The following RNF125 variants were observed in gnomAD, a reference collection of about 807,000 sequenced individuals.
The protein encoded by RNF125 is ring finger protein 125.
RNF125 carries 21 observed loss-of-function variants against 26.0 expected under a neutral mutation model. The ratio of observed to expected loss-of-function variants is 0.81; its 90% CI spans 0.57 to 1.16. RNF125 has a LOEUF of 1.16. RNF125 is among the 50% of genes most tolerant of loss of function. RNF125 has a pLI of 0.00. For synonymous variants in RNF125, 95 were observed against 109.2 expected, an observed-to-expected ratio of 0.87 and a Z score of 0.81; for missense variants, 270 against 299.4, an observed-to-expected ratio of 0.90 and a Z score of 0.72.
chr18:32,022,252 A>C (rs1168150407), intron 1 of RNF125, among the ~76,000 whole-genome samples: 1 of 152,234 alleles, frequency 6.6e-6, no homozygotes, highest in African/African-American at 2.4e-5. Flanking sequence ...TAATAATAAC[A>C]ACAGTACCTT....
At position 32,066,080 on chromosome 18, in the gene RNF125, T is replaced by A. The variant is rs140017473; in HGVS notation, c.612+71T>A. ...GTTAAGCTTACCTTTCCGATCCAAGTGAATAAAATTATAGAGGAAAAAATG... is the reference window on the plus strand; with the variant it reads ...GTTAAGCTTACCTTTCCGATCCAAGAGAATAAAATTATAGAGGAAAAAATG... On this transcript the variant is annotated intron_variant, in intron 5 of 5. Coordinates refer to ENST00000217740, the MANE Select transcript of RNF125 (RefSeq NM_017831.4). 2.0e-5 allele frequency: 19 copies of A among 971,180 alleles called. No individual in the cohort carries two copies. The East Asian group carries it at 4.6e-4, about 24-fold the overall frequency. 60.2% of individuals were successfully genotyped at this position (971,180 alleles called of 1,614,324 possible).
At chr18:32,082,888 A>G in the RNF125 span, among the ~76,000 whole-genome samples, 5 of 152,310 alleles carry the variant, frequency 3.3e-5, no homozygotes, top group South Asian at 1.0e-3. Context: ...GAATTGTGAG[A>G]TATACCCATC....
At chr18:32,028,244 G>A (rs1483434368) in intron 1 of RNF125, among the ~76,000 whole-genome samples, 1 of 145,696 alleles carries the variant, frequency 6.9e-6, no homozygotes, top group Non-Finnish European at 1.5e-5. Context: ...CTTGCAGTGA[G>A]CCGAGATTGC....
intron 1 of RNF125, among the ~76,000 whole-genome samples, chr18:32,024,925 A>G (rs552797834): frequency 6.6e-6 from 1 of 152,166 alleles, no homozygotes; most frequent in East Asian, 2.0e-4. Flanking sequence ...TACTGAAAAT[A>G]CTAAAAAATT....
rs147285371 is a variant in RNF125 at position 32,057,775 on chromosome 18, C to T, written c.505-8127C>T. On this transcript the variant is annotated intron_variant, in intron 4 of 5. Transcript: ENST00000217740. ...GAAAGAAATTATATTGTCTTTAAGG[C>T]GGTTGTTCTCAAACTTTATCATGCA... Among the ~76,000 whole-genome samples the T allele has an allele frequency of 5.3e-3, 808 of 152,164 alleles. 1 individual carries two copies. The highest frequency in any genetic ancestry group is 0.02 in the Middle Eastern group (6 of 294).
chr18:32,021,326 C>T (rs1249130853), intron 1 of RNF125, among the ~76,000 whole-genome samples: 2 of 152,156 alleles, frequency 1.3e-5, no homozygotes, highest in Admixed American at 1.3e-4. Flanking sequence ...GTGATCTGCC[C>T]GCCTCGGCCT....
chr18:32,039,726 T>TC (rs1364720023), intron 2 of RNF125, among the ~76,000 whole-genome samples: 1 of 150,618 alleles, frequency 6.6e-6, no homozygotes, highest in Admixed American at 6.7e-5. Flanking sequence ...CCACTCCCCC[T>TC]CCCCCATTAT....
chr18:32,028,713 C>T (rs1037258601), intron 1 of RNF125, among the ~76,000 whole-genome samples: 11 of 151,450 alleles, frequency 7.3e-5, no homozygotes, highest in Admixed American at 4.6e-4. Context: ...CCAACACGCC[C>T]GGCTAATTTT....
the RNF125 span, among the ~76,000 whole-genome samples, chr18:32,089,025 T>C: frequency 6.6e-6 from 1 of 152,100 alleles, no homozygotes; most frequent in Non-Finnish European, 1.5e-5. Flanking sequence ...AGTAGTTGTG[T>C]TGAGAGCCAG....
In RNF125 at chr18:32,042,230, G is replaced by C; in HGVS notation, c.370G>C (p.Asp124His). 1.2e-6 allele frequency: 2 copies of C among 1,613,754 alleles called. No homozygotes were observed. Among genetic ancestry groups the C allele is most frequent in the Non-Finnish European group, 1.7e-6 (2 of 1,179,798 alleles). ...TATTCGGACTTGTCAGAAGTACATA[G>C]ATAAGTATGGACCACTACAAGAACT... is the stretch of plus-strand genomic sequence containing the variant. ...AHIRTCQKYIDKYGPLQELEE... is the reference protein window; with the variant it reads ...AHIRTCQKYIHKYGPLQELEE... The change falls in exon 3 of 6, where the codon GAT becomes CAT. Residue 124 changes from aspartate to histidine, a missense_variant. Transcript: ENST00000217740.
rs778214834 is a variant in RNF125, at chr18:32,047,281, G to T, written c.504+1549G>T. On this transcript the variant is annotated intron_variant, in intron 4 of 5. Transcript: ENST00000217740. ...TCTCGATCTTCTGACCTTGTGGTTC[G>T]CCCACGTCGGCCTCCCAAAGGCTGG... Among the ~76,000 whole-genome samples, 5 of 152,054 alleles carry T rather than the reference G, an allele frequency of 3.3e-5. No homozygotes were observed. In the South Asian group the frequency reaches 8.3e-4, roughly 25 times the overall value.
chr18:32,075,737 G>T (rs1422853320), downstream of RNF125: 3 of 459,984 alleles, frequency 6.5e-6, no homozygotes, highest in African/African-American at 6.1e-5. Context: ...ACAGCAGTTG[G>T]AGAGATCTTT....
chr18:32,062,044 G>A (rs146659004), intron 4 of RNF125, among the ~76,000 whole-genome samples: 8 of 152,292 alleles, frequency 5.3e-5, no homozygotes, highest in African/African-American at 1.9e-4. Flanking sequence ...TAGTAAATAT[G>A]TGGCATTTAT....
chr18:32,081,260 AAC>A, the RNF125 span, among the ~76,000 whole-genome samples: 1 of 152,182 alleles, frequency 6.6e-6, no homozygotes, highest in Non-Finnish European at 1.5e-5. Flanking sequence ...CAAAGAAAAA[AAC>A]AACAAACAAA....
At chr18:32,051,615 TAAAAAAAAAAAA>T (rs71177836) in intron 4 of RNF125, among the ~76,000 whole-genome samples, 1 of 78,978 alleles carries the variant, frequency 1.3e-5, no homozygotes, top group Non-Finnish European at 2.3e-5. Flanking sequence ...GACTCAGTCT[TAAAAAAAAAAAA>T]AAAAAAAAAA....
rs1011232107 is a variant in RNF125, at chr18:32,042,362, A to C, written c.413+89A>C. The C allele has an allele frequency of 3.6e-5, 28 of 785,522 alleles. No individual in the cohort carries two copies. In the African/African-American group the frequency reaches 4.8e-4, roughly 13 times the overall value. 48.7% of individuals were successfully genotyped at this position (785,522 alleles called of 1,614,324 possible). A position where few individuals can be genotyped will look rare whatever the true frequency, so the allele number is the denominator to read the frequency against. Reference sequence around the variant, plus strand: ...CTGGAAACTTTAACATTCTTATGAAAATATTTACATATTTATGTTTATGTT... The same window carrying C: ...CTGGAAACTTTAACATTCTTATGAACATATTTACATATTTATGTTTATGTT... On this transcript the variant is annotated intron_variant, in intron 3 of 5. Coordinates refer to ENST00000217740, the MANE Select transcript of RNF125 (RefSeq NM_017831.4).
At chr18:32,026,972 T>A (rs2039042698) in intron 1 of RNF125, among the ~76,000 whole-genome samples, 1 of 152,220 alleles carries the variant, frequency 6.6e-6, no homozygotes, top group South Asian at 2.1e-4. Flanking sequence ...GGCCATATTC[T>A]CTAGGGTTTA....
intron 1 of RNF125, among the ~76,000 whole-genome samples, chr18:32,022,499 TG>T (rs1246053938): frequency 6.6e-6 from 1 of 152,206 alleles, no homozygotes; most frequent in Non-Finnish European, 1.5e-5. Flanking sequence ...CATATGGGCA[TG>T]GGAGTCATAC....
intron 2 of RNF125, among the ~76,000 whole-genome samples, chr18:32,037,996 G>C (rs1417848791): frequency 6.6e-6 from 1 of 150,576 alleles, no homozygotes; most frequent in Non-Finnish European, 1.5e-5. Context: ...TTGTCCTTTT[G>C]CTCTTCACAA....
Sources: gnomAD v4.1 joint callset for allele counts (sites outside exome capture counted in the v4.1 genomes callset) on GRCh38, gnomAD v4.1.1 for gene constraint, MANE v1.5 for transcripts, NCBI Gene and HGNC (gene_info 2026-07-23, HGNC 2026-07-21) for gene names.